PARD3B: variants seen among roughly 807,000 people sequenced by gnomAD.
PARD3B encodes partitioning defective 3 homolog B.
PARD3B carries 103 observed loss-of-function variants against 130.2 expected under a neutral mutation model. That is an observed-to-expected ratio of 0.79 (90% CI 0.67 to 0.93). PARD3B has a LOEUF of 0.93. PARD3B is among the 40% of genes least tolerant of loss of function. The pLI is 0.00. For missense variants in PARD3B, 1,609 were observed against 1,499.2 expected (o/e 1.07, Z -1.21); for synonymous variants, 583 against 553.2 (o/e 1.05, Z -0.76).
At chr2:205,612,684 TATG>T (rs542197127) in intron 22 of PARD3B, among the ~76,000 whole-genome samples, 16 of 152,214 alleles carry the variant, frequency 1.1e-4, no homozygotes, top group Admixed American at 2.0e-4. Context: ...TGCTAACTGT[TATG>T]ATGAGTTCCA....
At chr2:205,556,290 G>T (rs1411284488) in intron 22 of PARD3B, among the ~76,000 whole-genome samples, 2 of 152,178 alleles carry the variant, frequency 1.3e-5, no homozygotes, top group African/African-American at 4.8e-5. Flanking sequence ...TTTGTGCAAT[G>T]CTTCACAGTA....
At chr2:204,791,894 C>T (rs938359017) in intron 2 of PARD3B, among the ~76,000 whole-genome samples, 2 of 152,194 alleles carry the variant, frequency 1.3e-5, no homozygotes, top group African/African-American at 4.8e-5. Context: ...ATCCACATCG[C>T]TTATGCACTT....
intron 16 of PARD3B, among the ~76,000 whole-genome samples, chr2:205,279,077 A>AAAAC (rs2041078286): frequency 6.7e-6 from 1 of 149,156 alleles, no homozygotes; most frequent in East Asian, 1.9e-4. Context: ...TCTCAAAAAA[A>AAAAC]AAAAAAAAAA....
intron 2 of PARD3B, among the ~76,000 whole-genome samples, chr2:204,713,551 A>C (rs1330977134): frequency 6.6e-6 from 1 of 151,854 alleles, no homozygotes; most frequent in Non-Finnish European, 1.5e-5. Flanking sequence ...ATTAAACACT[A>C]GTTTCCTGTT....
chr2:205,415,929 C>A (rs2046759988), intron 19 of PARD3B, among the ~76,000 whole-genome samples: 3 of 152,142 alleles, frequency 2.0e-5, no homozygotes, highest in Admixed American at 2.0e-4. Context: ...TATGTTTTTA[C>A]AACTTTTCTA....
At chr2:205,318,069 G>T (rs187918602) in intron 18 of PARD3B, among the ~76,000 whole-genome samples, 1 of 152,278 alleles carries the variant, frequency 6.6e-6, no homozygotes, top group East Asian at 1.9e-4. Flanking sequence ...TTGCAACTTT[G>T]ATTGCAGACA....
At chr2:204,992,581 G>T (rs1004524269) in intron 3 of PARD3B, among the ~76,000 whole-genome samples, 8 of 130,488 alleles carry the variant, frequency 6.1e-5, no homozygotes, top group African/African-American at 2.3e-4. Context: ...GGTTCCATAT[G>T]AACTTTAAAG....
chr2:204,645,057 A>G (rs1163985744), intron 1 of PARD3B, among the ~76,000 whole-genome samples: 1 of 152,150 alleles, frequency 6.6e-6, no homozygotes, highest in Non-Finnish European at 1.5e-5. Context: ...GATTCTTAAA[A>G]GGGTTCTGGA....
chr2:205,308,843 G>C (rs2042278005), intron 18 of PARD3B, among the ~76,000 whole-genome samples: 1 of 152,078 alleles, frequency 6.6e-6, no homozygotes, highest in Non-Finnish European at 1.5e-5. Context: ...GAAGGGAAGA[G>C]AATAAACAAC....
chr2:204,547,624 G>A (rs1290636624), intron 1 of PARD3B, among the ~76,000 whole-genome samples: 1 of 152,164 alleles, frequency 6.6e-6, no homozygotes, highest in Non-Finnish European at 1.5e-5. Context: ...AAGATTAATA[G>A]TAACAACATT....
At chr2:204,795,200 T>G (rs894159251) in intron 2 of PARD3B, among the ~76,000 whole-genome samples, 6 of 152,200 alleles carry the variant, frequency 3.9e-5, no homozygotes, top group African/African-American at 1.4e-4. Flanking sequence ...GTAATACTTC[T>G]GGTGGATTAA....
intron 10 of PARD3B, among the ~76,000 whole-genome samples, chr2:205,148,004 A>G (rs2033487262): frequency 6.6e-6 from 1 of 152,130 alleles, no homozygotes; most frequent in South Asian, 2.1e-4. Flanking sequence ...ACAGACATAC[A>G]TAGTCTATAT....
chr2:205,224,085 A>G lies in PARD3B; in HGVS notation c.2141-21693A>G, dbSNP rs1049368930. On this transcript the variant is annotated intron_variant, in intron 15 of 22. Coordinates refer to ENST00000406610, the MANE Select transcript of PARD3B (RefSeq NM_001302769.2). ...TCTCAAAAAAAAAAAAAGAAAATAAATGGGCCAGGCACGGTGGCTCACACC... is the reference window on the plus strand; with the variant it reads ...TCTCAAAAAAAAAAAAAGAAAATAAGTGGGCCAGGCACGGTGGCTCACACC... 6.7e-4 allele frequency among the ~76,000 whole-genome samples: 99 copies of G among 147,628 alleles called. 6 individuals carry two copies. Among genetic ancestry groups the G allele is most frequent in the Non-Finnish European group, 4.5e-5 (3 of 67,206 alleles).
chr2:204,783,318 A>G (rs2041904291), intron 2 of PARD3B, among the ~76,000 whole-genome samples: 1 of 152,136 alleles, frequency 6.6e-6, no homozygotes, highest in African/African-American at 2.4e-5. Flanking sequence ...GACAGCAGTC[A>G]TCTTGCTGTG....
chr2:204,959,537 C>T (rs1690564522), intron 2 of PARD3B, among the ~76,000 whole-genome samples: 1 of 152,138 alleles, frequency 6.6e-6, no homozygotes, highest in South Asian at 2.1e-4. Flanking sequence ...GGTTCTAGAT[C>T]CTTGAGGAAT....
At chr2:205,296,663 ATGTG>A (rs3048084) in intron 16 of PARD3B, among the ~76,000 whole-genome samples, 3,134 of 137,924 alleles carry the variant, frequency 0.023, 54 homozygotes, top group African/African-American at 0.047. Context: ...GTGTTTGTGT[ATGTG>A]TGTGTGTGTG....
intron 7 of PARD3B, among the ~76,000 whole-genome samples, chr2:205,119,490 A>G (rs748546869): frequency 1.4e-4 from 22 of 152,060 alleles, no homozygotes; most frequent in Non-Finnish European, 2.5e-4. Flanking sequence ...AAAATAAAAT[A>G]CCGTCTCCTG....
intron 20 of PARD3B, among the ~76,000 whole-genome samples, chr2:205,496,230 T>C (rs1442072138): frequency 1.3e-5 from 2 of 152,200 alleles, no homozygotes; most frequent in African/African-American, 4.8e-5. Context: ...TTGGTTATAA[T>C]AGTGGCGTAT....
Position 204,865,786 on chromosome 2 carries a change from G to T in PARD3B, c.223-99366G>T, listed in dbSNP as rs146788172. 1.1e-4 allele frequency among the ~76,000 whole-genome samples: 17 copies of T among 152,224 alleles called. No individual in the cohort carries two copies. In the East Asian group the frequency reaches 2.9e-3, roughly 26 times the overall value. On this transcript the variant is annotated intron_variant, in intron 2 of 22. Coordinates refer to ENST00000406610, the MANE Select transcript of PARD3B (RefSeq NM_001302769.2). ...CCTGTTCCCCAAAAACCTATTGAAA[G>T]AAAAAGAAATAGTGATATAGAAGAA...
Sources: allele counts gnomAD v4.1 joint callset (sites outside exome capture counted in the v4.1 genomes callset), GRCh38; gene constraint gnomAD v4.1.1; transcripts MANE v1.5; gene names NCBI Gene and HGNC (gene_info 2026-07-23, HGNC 2026-07-21).